Variants in ST7 observed in about 807,000 individuals in gnomAD.
ST7 encodes the protein suppression of tumorigenicity 7, also known as suppressor of tumorigenicity 7 protein.
In ST7, 28 loss-of-function variants were observed where a neutral mutation model predicts 78.7. The ratio of observed to expected loss-of-function variants is 0.36; its 90% CI spans 0.26 to 0.49. ST7 has a LOEUF of 0.49. Ranked by LOEUF, ST7 falls within the 20% of genes least tolerant of loss-of-function variation. The pLI, the probability that ST7 is intolerant of heterozygous loss-of-function variation, is 0.99. For synonymous variants in ST7, 247 were observed against 249.6 expected (o/e 0.99, Z 0.10); for missense variants, 418 against 696.0 (o/e 0.60, Z 4.49).
intron 1 of ST7, among the ~76,000 whole-genome samples, chr7:116,955,960 C>T (rs761037613): frequency 6.6e-6 from 1 of 152,092 alleles, no homozygotes; most frequent in Non-Finnish European, 1.5e-5. Flanking sequence ...GTTTCATGCT[C>T]ATTTCAGTCA....
intron 1 of ST7, among the ~76,000 whole-genome samples, chr7:117,069,794 C>T (rs1259711049): frequency 6.6e-6 from 1 of 152,200 alleles, no homozygotes; most frequent in Non-Finnish European, 1.5e-5. Flanking sequence ...ATTTTAGGCT[C>T]TTCCCTTCAG....
At chr7:116,981,071 A>T (rs901899180) in intron 1 of ST7, among the ~76,000 whole-genome samples, 1 of 151,464 alleles carries the variant, frequency 6.6e-6, no homozygotes, top group African/African-American at 2.4e-5. Context: ...CATGCCAGTT[A>T]TTTTGTAGAA....
At chr7:117,159,141 G>A (rs548418712) in intron 9 of ST7, among the ~76,000 whole-genome samples, 1 of 152,288 alleles carries the variant, frequency 6.6e-6, no homozygotes, top group East Asian at 1.9e-4. Flanking sequence ...TTTTCATCCT[G>A]TAAGTCAGCT....
At chr7:117,023,955 A>G (rs1487846645) in intron 1 of ST7, among the ~76,000 whole-genome samples, 2 of 152,010 alleles carry the variant, frequency 1.3e-5, no homozygotes, top group East Asian at 3.9e-4. Flanking sequence ...GACTACAGGC[A>G]TGTGCCATGA....
chr7:117,130,023 G>A (rs1384664804), intron 4 of ST7, among the ~76,000 whole-genome samples, 176 bp downstream of exon 4: 1 of 151,822 alleles, frequency 6.6e-6, no homozygotes, highest in East Asian at 1.9e-4. Context: ...TTTAGCACTA[G>A]ATTTGGGATA....
At chr7:117,132,049 A>G in intron 6 of ST7, 89 bp downstream of exon 6, 1 of 1,288,440 alleles carries the variant, frequency 7.8e-7, no homozygotes, top group Non-Finnish European at 1.1e-6. Flanking sequence ...CTTAAATTAA[A>G]CTGCATTTGA....
intron 15 of ST7, chr7:117,223,110 C>T (rs1217178658): frequency 4.5e-6 from 3 of 671,022 alleles, no homozygotes; most frequent in Non-Finnish European, 8.1e-6. Context: ...TCACTCCCCA[C>T]ATCCCATCGT....
chr7:117,176,532 AG>A (rs1314018105), intron 10 of ST7, among the ~76,000 whole-genome samples: 1 of 152,244 alleles, frequency 6.6e-6, no homozygotes, highest in Non-Finnish European at 1.5e-5. Flanking sequence ...GTCAGCATGT[AG>A]TTATAACTAA....
chr7:117,210,728 G>T (rs1168942907), intron 13 of ST7, among the ~76,000 whole-genome samples: 4 of 152,192 alleles, frequency 2.6e-5, no homozygotes, highest in African/African-American at 9.7e-5. Context: ...AGGACACCAT[G>T]TGAAGAAATG....
At chr7:117,098,726 C>T in intron 1 of ST7, 5 of 1,272,250 alleles carry the variant, frequency 3.9e-6, no homozygotes, top group Non-Finnish European at 4.1e-6. Context: ...CTAATGACAT[C>T]AAAGCCCTAC....
intron 1 of ST7, among the ~76,000 whole-genome samples, chr7:117,061,256 C>CT (rs958854718): frequency 1.3e-5 from 2 of 152,062 alleles, no homozygotes; most frequent in African/African-American, 4.8e-5. Context: ...GGCCATTTGG[C>CT]TTTTTTTCCT....
At chr7:116,972,585 T>G in intron 1 of ST7, 1 of 1,412,452 alleles carries the variant, frequency 7.1e-7, no homozygotes, top group Non-Finnish European at 9.9e-7. Context: ...TGAGTTGAAT[T>G]TCCTGGAGTT....
chr7:117,092,325 A>C (rs1800695255), intron 1 of ST7, among the ~76,000 whole-genome samples: 3 of 142,292 alleles, frequency 2.1e-5, no homozygotes, highest in Non-Finnish European at 4.5e-5. Flanking sequence ...ATACCAGCCA[A>C]AAAAAAAAAA....
intron 12 of ST7, among the ~76,000 whole-genome samples, chr7:117,205,789 T>C (rs1440120023): frequency 1.3e-5 from 2 of 152,216 alleles, no homozygotes; most frequent in Non-Finnish European, 2.9e-5. Context: ...TCCAAAATTT[T>C]TAGAAGCACT....
rs938110405 is a variant in ST7 at position 117,050,957 on chromosome 7, A to G, written c.152-48805A>G. Among the ~76,000 whole-genome samples, 4 of 151,100 alleles carry G rather than the reference A, an allele frequency of 2.6e-5. 1 individual carries two copies. Among genetic ancestry groups the G allele is most frequent in the Non-Finnish European group, 5.9e-5 (4 of 67,744 alleles). ...AAAAAAAAAAAAAAGAAAAGAAAAT[A>G]TTTTCAGGCTATGCGGTTTGAGTTT... On this transcript the variant is annotated intron_variant, in intron 1 of 15. Coordinates refer to ENST00000323984, the MANE Select transcript of ST7 (RefSeq NM_001369598.1).
At chr7:117,079,967 C>CTT (rs1799629628) in intron 1 of ST7, among the ~76,000 whole-genome samples, 2 of 107,638 alleles carry the variant, frequency 1.9e-5, no homozygotes, top group Non-Finnish European at 3.9e-5. Context: ...GTTTGTCATT[C>CTT]CTTTTTTTTT....
chr7:117,018,995 C>A (rs886796382), intron 1 of ST7, among the ~76,000 whole-genome samples: 1 of 152,202 alleles, frequency 6.6e-6, no homozygotes, highest in Non-Finnish European at 1.5e-5. Flanking sequence ...GTAGATCCTA[C>A]ATATACTGAC....
chr7:116,983,687 T>A (rs529412476), intron 1 of ST7, among the ~76,000 whole-genome samples: 1 of 152,204 alleles, frequency 6.6e-6, no homozygotes, highest in East Asian at 1.9e-4. Flanking sequence ...TGAGTCTCAG[T>A]GCCGCTACCA....
rs569331302 is a variant in ST7 at position 117,219,697 on chromosome 7, G to A, written c.1498+521G>A. Among the ~76,000 whole-genome samples the A allele has an allele frequency of 4.6e-5, 7 of 152,334 alleles. No individual in the cohort carries two copies. Among genetic ancestry groups the A allele is most frequent in the African/African-American group, 1.4e-4 (6 of 41,572 alleles). Reference sequence around the variant, plus strand: ...TGTGCTCTGGCAAGAGGGATTTCCCGTGAGCACCTCGTGGGTTGCATGTAG... The same window carrying A: ...TGTGCTCTGGCAAGAGGGATTTCCCATGAGCACCTCGTGGGTTGCATGTAG... On this transcript the variant is annotated intron_variant, in intron 14 of 15. Coordinates refer to ENST00000323984, the MANE Select transcript of ST7 (RefSeq NM_001369598.1). The surrounding 1 kb of genome is among the most constrained non-coding windows in gnomAD (Gnocchi z 5.1).
Sources: allele counts gnomAD v4.1 joint callset (sites outside exome capture counted in the v4.1 genomes callset), GRCh38; gene constraint gnomAD v4.1.1; non-coding constraint Gnocchi (gnomAD v3.1); transcripts MANE v1.5; gene names NCBI Gene and HGNC (gene_info 2026-07-23, HGNC 2026-07-21).